JARID2: variants seen among roughly 807,000 people sequenced by gnomAD.
JARID2 encodes jumonji and AT-rich interaction domain containing 2.
In JARID2, 21 loss-of-function variants were observed where a neutral mutation model predicts 125.6. That is an observed-to-expected ratio of 0.17 (90% CI 0.12 to 0.24). JARID2 has a LOEUF of 0.24. Ranked by LOEUF, JARID2 falls within the 10% of genes least tolerant of loss-of-function variation. JARID2 has a pLI of 1.00. For missense variants in JARID2, 1,303 were observed against 1,639.6 expected, an observed-to-expected ratio of 0.79 and a Z score of 3.55; for synonymous variants, 736 against 661.6, an observed-to-expected ratio of 1.11 and a Z score of -1.73.
chr6:15,365,562 G>A (rs1763946049), intron 1 of JARID2, among the ~76,000 whole-genome samples: 1 of 151,908 alleles, frequency 6.6e-6, no homozygotes, highest in African/African-American at 2.4e-5. Flanking sequence ...GCCTGTCAGA[G>A]TTGTGTTATG....
At chr6:15,398,621 G>A (rs577485518) in intron 2 of JARID2, among the ~76,000 whole-genome samples, 3 of 152,330 alleles carry the variant, frequency 2.0e-5, no homozygotes, top group African/African-American at 7.2e-5. Context: ...TGACTCGCAT[G>A]TACTGTGTTT....
chr6:15,253,903 A>T (rs990077414), intron 1 of JARID2, among the ~76,000 whole-genome samples: 7 of 152,202 alleles, frequency 4.6e-5, no homozygotes, highest in Admixed American at 6.5e-5. Context: ...GTGAAAAACC[A>T]GTCAGATGGT....
intron 5 of JARID2, among the ~76,000 whole-genome samples, chr6:15,483,072 C>T (rs535678485): frequency 6.6e-6 from 1 of 152,142 alleles, no homozygotes; most frequent in Admixed American, 6.6e-5. Context: ...CTTGAATAGA[C>T]AGGCTTGCTT....
chr6:15,496,869 G>C lies in JARID2; in HGVS notation c.1644G>C (p.Lys548Asn). 6.2e-7 allele frequency: 1 copy of C among 1,601,030 alleles called. No homozygotes were observed. The highest frequency in any genetic ancestry group is 1.7e-5 in the Admixed American group (1 of 59,474). Reference protein sequence around the residue: ...DSGKAEKGGGKAGWAAMDEIP... With the variant: ...DSGKAEKGGGNAGWAAMDEIP... ...GCAAGGCCGAGAAGGGCGGCGGCAA[G>C]GCCGGGTGGGCGGCCATGGACGAGA... The change falls in exon 7 of 18, where the codon AAG (lysine) becomes AAC (asparagine). Residue 548 changes from lysine to asparagine, a missense_variant. Physicochemically the swap from Lys to Asn is moderately conservative, Grantham distance 94. Around this residue, in one of 11 missense-constraint regions of JARID2, gnomAD observed 651 missense variants for 581.6 expected, o/e 1.12. Transcript: ENST00000341776.
intron 1 of JARID2, among the ~76,000 whole-genome samples, chr6:15,281,587 C>T (rs1055684070): frequency 1.6e-4 from 25 of 152,314 alleles, no homozygotes; most frequent in African/African-American, 6.0e-4. Context: ...GGGGGGCCCC[C>T]CACTTCACTT....
At chr6:15,273,437 C>A (rs1760376729) in intron 1 of JARID2, among the ~76,000 whole-genome samples, 2 of 152,224 alleles carry the variant, frequency 1.3e-5, no homozygotes, top group African/African-American at 4.8e-5. Context: ...TGTGGTGGCT[C>A]ACGCCTGTAA....
chr6:15,327,536 T>TGTGTGTGTGTGTGTGCGC (rs1255873591), intron 1 of JARID2, among the ~76,000 whole-genome samples: 3 of 150,928 alleles, frequency 2.0e-5, no homozygotes, highest in East Asian at 3.9e-4. Flanking sequence ...AGAGTGTGTG[T>TGTGTGTGTGTGTGTGCGC]GTGTGTGTGT....
chr6:15,465,785 TTGC>T lies in JARID2; in HGVS notation c.494-2754_494-2752del, dbSNP rs113362414. 7.2e-3 allele frequency among the ~76,000 whole-genome samples: 1,099 copies of T among 151,920 alleles called. 12 individuals are homozygous for T. The highest frequency in any genetic ancestry group is 0.025 in the African/African-American group (1,045 of 41,330). On this transcript the variant is annotated intron_variant, in intron 4 of 17. Coordinates refer to ENST00000341776, the MANE Select transcript of JARID2 (RefSeq NM_004973.4). Reference sequence around the variant, plus strand: ...GGATCTTACTGCTGTATTTTTTTTGTTGCTGTTTGTTTGTTTGTTTGTTTGTTT... The same window carrying T: ...GGATCTTACTGCTGTATTTTTTTTGTTGTTTGTTTGTTTGTTTGTTTGTTT...
At position 15,291,826 on chromosome 6, in the gene JARID2, C is replaced by A. The variant is rs78464749; in HGVS notation, c.45+45242C>A. On this transcript the variant is annotated intron_variant, in intron 1 of 17. Transcript: ENST00000341776. ...TTTTTTTATAGTTGTTCTTTCCTTC[C>A]ATTCAAATATTTTTGTACTCCTACT... 2.6e-3 allele frequency among the ~76,000 whole-genome samples: 390 copies of A among 152,222 alleles called. 4 individuals carry two copies. Among genetic ancestry groups the A allele is most frequent in the Admixed American group, 0.021 (320 of 15,288 alleles).
At chr6:15,396,387 TTTCTTAATCA>T (rs1045200253) in intron 2 of JARID2, among the ~76,000 whole-genome samples, 13 of 152,222 alleles carry the variant, frequency 8.5e-5, no homozygotes, top group African/African-American at 2.9e-4. Context: ...TCTTATGATT[TTTCTTAATCA>T]TTCTTAATCA....
In JARID2 at chr6:15,495,638, G is replaced by C. The variant is rs528237837; in HGVS notation, c.907-494G>C. On this transcript the variant is annotated intron_variant, in intron 6 of 17. Transcript: ENST00000341776. ...CATAGATTTCTAAATCCTGTGGGCA[G>C]GTCATGCTGCTATGTGGAGCACAGA... Among the ~76,000 whole-genome samples the C allele has an allele frequency of 2.0e-3, 312 of 152,324 alleles. 3 individuals carry two copies. Among genetic ancestry groups the C allele is most frequent in the Non-Finnish European group, 3.5e-3 (241 of 68,026 alleles).
intron 1 of JARID2, among the ~76,000 whole-genome samples, chr6:15,270,213 G>T (rs1443190190): frequency 6.6e-6 from 1 of 152,092 alleles, no homozygotes; most frequent in African/African-American, 2.4e-5. Flanking sequence ...GCTCACTGCA[G>T]CCTCCACCTC....
chr6:15,316,985 TG>T (rs1191191724), intron 1 of JARID2, among the ~76,000 whole-genome samples: 1 of 152,220 alleles, frequency 6.6e-6, no homozygotes, highest in Non-Finnish European at 1.5e-5. Flanking sequence ...GTTATAGAGT[TG>T]CTGTGGGGTT....
chr6:15,253,171 C>T (rs1330052745), intron 1 of JARID2, among the ~76,000 whole-genome samples: 1 of 151,994 alleles, frequency 6.6e-6, no homozygotes, highest in African/African-American at 2.4e-5. Context: ...TCAAGCTATT[C>T]TCCCGCCTCA....
chr6:15,322,603 A>T (rs794796), intron 1 of JARID2, among the ~76,000 whole-genome samples: 69,355 of 152,040 alleles, frequency 0.46, 16,838 homozygotes, highest in African/African-American at 0.63. Flanking sequence ...CAGGGATTTG[A>T]CTAAACCCAA....
At chr6:15,415,090 G>T (rs935860329) in intron 3 of JARID2, among the ~76,000 whole-genome samples, 1 of 152,198 alleles carries the variant, frequency 6.6e-6, no homozygotes, top group Admixed American at 6.5e-5. Flanking sequence ...ATTTAACCCT[G>T]AGTGGACACA....
chr6:15,382,813 TC>T (rs1348362622), intron 2 of JARID2, among the ~76,000 whole-genome samples: 1 of 152,230 alleles, frequency 6.6e-6, no homozygotes, highest in Non-Finnish European at 1.5e-5. Flanking sequence ...TGCTCCTCTT[TC>T]GGGTCACTTT....
intron 1 of JARID2, among the ~76,000 whole-genome samples, chr6:15,269,989 C>G (rs531600084): frequency 9.2e-5 from 14 of 151,914 alleles, no homozygotes; most frequent in Middle Eastern, 3.4e-3. Context: ...TTTGTTTTTT[C>G]ATAAAGAATA....
chr6:15,263,591 ATTT>A (rs763727930), intron 1 of JARID2, among the ~76,000 whole-genome samples: 1 of 131,618 alleles, frequency 7.6e-6, no homozygotes. Flanking sequence ...GAGTCAGACA[ATTT>A]TTTTTTTTTT....
Sources: allele counts gnomAD v4.1 joint callset (sites outside exome capture counted in the v4.1 genomes callset), GRCh38; gene constraint gnomAD v4.1.1; regional missense constraint gnomAD v4.1.1; transcripts MANE v1.5; gene names NCBI Gene and HGNC (gene_info 2026-07-23, HGNC 2026-07-21).